Variants in GULP1 observed in about 807,000 individuals in gnomAD.
The protein encoded by GULP1 is PTB domain-containing engulfment adapter protein 1.
GULP1 carries 19 observed loss-of-function variants against 40.9 expected under a neutral mutation model. That is an observed-to-expected ratio of 0.46 (90% CI 0.32 to 0.68). The LOEUF (loss-of-function observed/expected upper bound fraction) is 0.68. GULP1 is among the 30% of genes least tolerant of loss of function. The probability of loss-of-function intolerance (pLI) is 0.03; values close to 1 mark genes in which losing one functional copy is unlikely to be tolerated. For missense variants in GULP1, 312 were observed against 362.2 expected, an observed-to-expected ratio of 0.86 and a Z score of 1.12; for synonymous variants, 119 against 117.6, an observed-to-expected ratio of 1.01 and a Z score of -0.08.
chr2:188,453,072 C>T (rs2058964109), intron 2 of GULP1, among the ~76,000 whole-genome samples: 1 of 151,914 alleles, frequency 6.6e-6, no homozygotes, highest in Admixed American at 6.6e-5. Flanking sequence ...TGCATCTCAG[C>T]CTCCCAAAGT....
intron 9 of GULP1, among the ~76,000 whole-genome samples, chr2:188,571,149 T>G (rs1698948167): frequency 6.6e-6 from 1 of 152,054 alleles, no homozygotes; most frequent in South Asian, 2.1e-4. Context: ...AGAGAAAGAC[T>G]CTGTTTCAAA....
chr2:188,327,471 A>G (rs2040913960), intron 1 of GULP1, among the ~76,000 whole-genome samples: 1 of 152,148 alleles, frequency 6.6e-6, no homozygotes, highest in South Asian at 2.1e-4. Flanking sequence ...GACTGGTCAG[A>G]TGACAAAACT....
At chr2:188,437,475 TTTTTAAAAATGAGA>T (rs1462107637) in intron 2 of GULP1, among the ~76,000 whole-genome samples, 2 of 152,132 alleles carry the variant, frequency 1.3e-5, no homozygotes, top group Non-Finnish European at 2.9e-5. Context: ...GTAAAATACT[TTTTTAAAAATGAGA>T]TTTTTAAAAA....
At chr2:188,412,468 G>A (rs2054026715) in intron 2 of GULP1, among the ~76,000 whole-genome samples, 1 of 152,038 alleles carries the variant, frequency 6.6e-6, no homozygotes, top group South Asian at 2.1e-4. Flanking sequence ...AGTAGCTGGT[G>A]GCAATCTTAA....
chr2:188,466,654 C>G (rs1489505229), intron 2 of GULP1: 1 of 151,978 alleles, frequency 6.6e-6, no homozygotes, highest in Non-Finnish European at 1.5e-5. Flanking sequence ...GCTCAATTAT[C>G]ATTTATCTAT....
chr2:188,437,700 A>G (rs2057537826), intron 2 of GULP1, among the ~76,000 whole-genome samples: 1 of 152,150 alleles, frequency 6.6e-6, no homozygotes, highest in African/African-American at 2.4e-5. Context: ...GACAGATTGT[A>G]TAAGGAAAAT....
chr2:188,523,756 C>T (rs1378304246), intron 5 of GULP1, among the ~76,000 whole-genome samples: 1 of 152,114 alleles, frequency 6.6e-6, no homozygotes. Context: ...TGGTGGAATC[C>T]ACTCTGTGTT....
chr2:188,478,647 A>G (rs568601416), intron 3 of GULP1, among the ~76,000 whole-genome samples: 76 of 152,240 alleles, frequency 5.0e-4, no homozygotes, highest in African/African-American at 1.8e-3. Context: ...CAAATTGTCA[A>G]ACAAGGGCCC....
intron 5 of GULP1, among the ~76,000 whole-genome samples, chr2:188,524,180 G>A (rs1042651702): frequency 2.6e-5 from 4 of 152,064 alleles, no homozygotes; most frequent in Admixed American, 1.3e-4. Flanking sequence ...TTTATGCCTA[G>A]GAGGTTGTTT....
At chr2:188,430,868 C>G (rs2056792973) in intron 2 of GULP1, among the ~76,000 whole-genome samples, 1 of 152,150 alleles carries the variant, frequency 6.6e-6, no homozygotes, top group South Asian at 2.1e-4. Context: ...CTCCCATACC[C>G]AGAAAGAAGG....
chr2:188,497,892 A>G (rs1045492449), intron 4 of GULP1, among the ~76,000 whole-genome samples: 1 of 151,996 alleles, frequency 6.6e-6, no homozygotes, highest in Non-Finnish European at 1.5e-5. Context: ...TTAGTCACAC[A>G]GAAGCCATCT....
chr2:188,369,943 A>C (rs2047383459), intron 1 of GULP1, among the ~76,000 whole-genome samples: 1 of 152,100 alleles, frequency 6.6e-6, no homozygotes, highest in Non-Finnish European at 1.5e-5. Context: ...CCCCAGACTC[A>C]AGCAGTCCTC....
intron 4 of GULP1, among the ~76,000 whole-genome samples, chr2:188,489,585 G>C (rs2062171222): frequency 6.6e-6 from 1 of 151,794 alleles, no homozygotes; most frequent in South Asian, 2.1e-4. Context: ...CATATAAATT[G>C]AAGCTTAACC....
intron 4 of GULP1, among the ~76,000 whole-genome samples, chr2:188,517,743 T>C (rs759338423): frequency 2.0e-5 from 3 of 151,946 alleles, no homozygotes; most frequent in Non-Finnish European, 2.9e-5. Flanking sequence ...AGGGAAAAAT[T>C]CTTCTGCTTG....
chr2:188,451,368 A>G (rs1208583648), intron 2 of GULP1, among the ~76,000 whole-genome samples: 2 of 144,866 alleles, frequency 1.4e-5, no homozygotes, highest in South Asian at 2.1e-4. Context: ...TGTTAATAGG[A>G]AAAAAAAAGT....
At chr2:188,364,748 GATACAT>G (rs1283308725) in intron 1 of GULP1, among the ~76,000 whole-genome samples, 1 of 147,192 alleles carries the variant, frequency 6.8e-6, no homozygotes, top group Non-Finnish European at 1.5e-5. Flanking sequence ...CTATATATAT[GATACAT>G]ATACATATAT....
intron 6 of GULP1, among the ~76,000 whole-genome samples, chr2:188,540,218 A>G (rs1289041696): frequency 6.6e-6 from 1 of 152,086 alleles, no homozygotes; most frequent in African/African-American, 2.4e-5. Context: ...TCTACTTGTC[A>G]TAATCAAAAA....
chr2:188,410,817 A>G (rs536577060), intron 2 of GULP1, among the ~76,000 whole-genome samples: 1 of 152,286 alleles, frequency 6.6e-6, no homozygotes, highest in East Asian at 1.9e-4. Context: ...AGATAGTTAT[A>G]AGAAATAGGC....
chr2:188,427,658 T>A (rs950269436), intron 2 of GULP1, among the ~76,000 whole-genome samples: 2 of 152,162 alleles, frequency 1.3e-5, no homozygotes, highest in Non-Finnish European at 2.9e-5. Flanking sequence ...GTATATACAG[T>A]CTTAAGAGTT....
Sources: allele counts gnomAD v4.1 joint callset (sites outside exome capture counted in the v4.1 genomes callset), GRCh38; gene constraint gnomAD v4.1.1; transcripts MANE v1.5; gene names NCBI Gene and HGNC (gene_info 2026-07-23, HGNC 2026-07-21).